The following WASF3 variants were observed in gnomAD, a reference collection of about 807,000 sequenced individuals.
WASF3 encodes WASP family member 3.
WASF3 carries 11 observed loss-of-function variants against 46.6 expected under a neutral mutation model. The observed-to-expected ratio is 0.24, with a 90% CI of 0.15 to 0.39. The LOEUF is 0.39. Among genes scored for constraint, WASF3 ranks in the 10% least tolerant of loss-of-function variants. WASF3 has a pLI of 1.00. For missense variants in WASF3, 576 were observed against 669.8 expected (o/e 0.86, Z 1.55); for synonymous variants, 242 against 259.7 (o/e 0.93, Z 0.65).
At chr13:26,658,885 T>G (rs972413777) in intron 3 of WASF3, among the ~76,000 whole-genome samples, 10 of 152,216 alleles carry the variant, frequency 6.6e-5, no homozygotes. Flanking sequence ...AGTTCTTATG[T>G]TTTTGTTCAC....
intron 1 of WASF3, among the ~76,000 whole-genome samples, chr13:26,593,854 T>C (rs1880376140): frequency 6.6e-6 from 1 of 152,232 alleles, no homozygotes; most frequent in Non-Finnish European, 1.5e-5. Context: ...GCATAGGTCA[T>C]TGCATAATAA....
At chr13:26,554,184 T>C (rs978230686), upstream of WASF3, among the ~76,000 whole-genome samples, 1 of 150,528 alleles carries the variant, frequency 6.6e-6, no homozygotes, top group African/African-American at 2.5e-5. Flanking sequence ...TGGATTGCAA[T>C]GGTGTGAGCA....
At chr13:26,583,175 G>T (rs17084354) in intron 1 of WASF3, among the ~76,000 whole-genome samples, 32,210 of 152,166 alleles carry the variant, frequency 0.21, 3,831 homozygotes, top group East Asian at 0.28. Context: ...TGGGTTAAGT[G>T]TCTTTAGTTA....
At chr13:26,606,624 T>TG (rs1277942109) in intron 1 of WASF3, 1 of 152,048 alleles carries the variant, frequency 6.6e-6, no homozygotes, top group Non-Finnish European at 1.5e-5. Flanking sequence ...CCCAAAAGGC[T>TG]GGGATTACAG....
At chr13:26,652,599 G>A (rs1882346170) in intron 3 of WASF3, among the ~76,000 whole-genome samples, 1 of 152,134 alleles carries the variant, frequency 6.6e-6, no homozygotes, top group East Asian at 1.9e-4. Context: ...ACCAAAACGG[G>A]ACATCTGGTA....
chr13:26,639,168 A>G lies in WASF3; in HGVS notation c.-10-3093A>G, dbSNP rs541435946. 1.2e-4 allele frequency among the ~76,000 whole-genome samples: 19 copies of G among 152,368 alleles called. No homozygotes were observed. In the South Asian group the frequency reaches 3.9e-3, roughly 32 times the overall value. On this transcript the variant is annotated intron_variant, in intron 2 of 9. Transcript: ENST00000335327. ...GAATTTGAAAACCATAAAAATCATT[A>G]CTACATTATTAGAACTTTAAAGAAG...
intron 3 of WASF3, among the ~76,000 whole-genome samples, chr13:26,648,652 A>T (rs1882221957): frequency 6.6e-6 from 1 of 152,234 alleles, no homozygotes; most frequent in South Asian, 2.1e-4. Flanking sequence ...GATAAAATAT[A>T]TTGAGGTGTC....
intron 3 of WASF3, among the ~76,000 whole-genome samples, chr13:26,648,608 GT>G (rs763637552): frequency 4.6e-5 from 7 of 152,192 alleles, no homozygotes; most frequent in Non-Finnish European, 7.3e-5. Flanking sequence ...GTAAATTTCT[GT>G]ACAGTTTGAG....
intron 3 of WASF3, among the ~76,000 whole-genome samples, chr13:26,646,904 G>A (rs1313847841): frequency 2.0e-5 from 3 of 152,220 alleles, no homozygotes; most frequent in East Asian, 1.9e-4. Context: ...ACAGTTCAGG[G>A]TCATGAGGAT....
intron 7 of WASF3, among the ~76,000 whole-genome samples, chr13:26,680,716 A>G (rs1883200261): frequency 6.6e-6 from 1 of 152,274 alleles, no homozygotes; most frequent in East Asian, 1.9e-4. Context: ...TCCTGTTTCT[A>G]AATGGAATGG....
the WASF3 span, among the ~76,000 whole-genome samples, chr13:26,540,516 C>T: frequency 6.6e-6 from 1 of 152,312 alleles, no homozygotes; most frequent in African/African-American, 2.4e-5. Flanking sequence ...GCCTCTGTGT[C>T]CACCCCTCCC....
At chr13:26,575,983 T>C (rs1165875819) in intron 1 of WASF3, among the ~76,000 whole-genome samples, 1 of 151,834 alleles carries the variant, frequency 6.6e-6, no homozygotes, top group Non-Finnish European at 1.5e-5. Context: ...TCTTTTATTT[T>C]CAGGAAGTTT....
intron 1 of WASF3, among the ~76,000 whole-genome samples, chr13:26,572,641 C>T (rs1485343088): frequency 2.0e-5 from 3 of 152,168 alleles, no homozygotes; most frequent in African/African-American, 4.8e-5. Flanking sequence ...TCTCGGCTCA[C>T]TGCAACCTCG....
At chr13:26,678,520 T>C (rs1883132015) in intron 7 of WASF3, among the ~76,000 whole-genome samples, 1 of 152,174 alleles carries the variant, frequency 6.6e-6, no homozygotes, top group Non-Finnish European at 1.5e-5. Context: ...TTAGGTATTA[T>C]TTCGCAACAT....
intron 1 of WASF3, among the ~76,000 whole-genome samples, chr13:26,601,979 C>A (rs1880655343): frequency 6.6e-6 from 1 of 152,152 alleles, no homozygotes; most frequent in African/African-American, 2.4e-5. Flanking sequence ...TTTAGTTGTC[C>A]AGGGATAATA....
rs73166069 is a variant in WASF3 at position 26,602,471 on chromosome 13, G to A, written c.-108-10490G>A. On this transcript the variant is annotated intron_variant, in intron 1 of 9. Transcript: ENST00000335327. The stretch of plus-strand genomic sequence containing the variant: ...ATGATGGTGGGCCATTTAGTTCCCT[G>A]ATTACTTTAGATATAGTGAGTTAGG... 9.0e-3 allele frequency among the ~76,000 whole-genome samples: 1,363 copies of A among 152,218 alleles called. 11 individuals are homozygous for A. Among genetic ancestry groups the A allele is most frequent in the Middle Eastern group, 0.017 (5 of 294 alleles).
intron 1 of WASF3, among the ~76,000 whole-genome samples, chr13:26,583,631 C>T (rs758344174): frequency 1.3e-5 from 2 of 152,010 alleles, no homozygotes; most frequent in Non-Finnish European, 2.9e-5. Context: ...TTCTTTGAAC[C>T]ATTTTTCAGA....
At chr13:26,659,747 G>A (rs1370794440) in intron 3 of WASF3, among the ~76,000 whole-genome samples, 1 of 152,188 alleles carries the variant, frequency 6.6e-6, no homozygotes, top group Admixed American at 6.5e-5. Flanking sequence ...GAGAGCCAGT[G>A]TGGAGTGTGA....
intron 2 of WASF3, among the ~76,000 whole-genome samples, chr13:26,626,915 G>A (rs1238254444): frequency 6.6e-6 from 1 of 152,136 alleles, no homozygotes; most frequent in Non-Finnish European, 1.5e-5. Context: ...CACAATTATT[G>A]TTGACGTCTT....
Sources: allele counts gnomAD v4.1 joint callset (sites outside exome capture counted in the v4.1 genomes callset), GRCh38; gene constraint gnomAD v4.1.1; transcripts MANE v1.5; gene names NCBI Gene and HGNC (gene_info 2026-07-23, HGNC 2026-07-21).